ADAMTSL3: variants seen among roughly 807,000 people sequenced by gnomAD.
The protein encoded by ADAMTSL3 is ADAMTS like 3.
ADAMTSL3 carries 128 observed loss-of-function variants against 201.7 expected under a neutral mutation model. The ratio of observed to expected loss-of-function variants is 0.63; its 90% CI spans 0.55 to 0.73. ADAMTSL3 has a LOEUF of 0.73. ADAMTSL3 is among the 30% of genes least tolerant of loss of function. The probability of loss-of-function intolerance (pLI) is 0.00; values close to 1 mark genes in which losing one functional copy is unlikely to be tolerated. For synonymous variants in ADAMTSL3, 738 were observed against 748.4 expected (o/e 0.99, Z 0.23); for missense variants, 1,990 against 2,119.6 (o/e 0.94, Z 1.20).
chr15:83,781,796 C>T (rs1364227249), intron 4 of ADAMTSL3, among the ~76,000 whole-genome samples: 4 of 152,088 alleles, frequency 2.6e-5, no homozygotes, highest in African/African-American at 7.2e-5. Flanking sequence ...CAAGAGAAGA[C>T]GTGGCCAAAA....
chr15:83,817,389 T>C (rs1217251125), intron 5 of ADAMTSL3, among the ~76,000 whole-genome samples: 5 of 152,344 alleles, frequency 3.3e-5, no homozygotes, highest in Admixed American at 2.6e-4. Flanking sequence ...TAAACATGAC[T>C]GCTAATCTGT....
chr15:83,887,362 C>T (rs577800009), intron 10 of ADAMTSL3, among the ~76,000 whole-genome samples: 5 of 152,242 alleles, frequency 3.3e-5, no homozygotes, highest in African/African-American at 9.6e-5. Context: ...GTAGTACTAC[C>T]GTAAGTGGAA....
intron 7 of ADAMTSL3, among the ~76,000 whole-genome samples, chr15:83,857,099 C>T (rs1456578468): frequency 2.6e-5 from 4 of 152,000 alleles, no homozygotes; most frequent in African/African-American, 4.8e-5. Context: ...TTTTCATGTG[C>T]TTATTGGCCA....
At chr15:83,887,730 C>T (rs2065424289) in intron 10 of ADAMTSL3, among the ~76,000 whole-genome samples, 1 of 152,156 alleles carries the variant, frequency 6.6e-6, no homozygotes, top group African/African-American at 2.4e-5. Context: ...GCTGGAACTA[C>T]AGGCATGTGC....
chr15:83,873,404 T>C (rs1215416785), intron 9 of ADAMTSL3, among the ~76,000 whole-genome samples: 1 of 145,842 alleles, frequency 6.9e-6, no homozygotes, highest in East Asian at 2.3e-4. Flanking sequence ...TTCATTTTTA[T>C]ACCATTGGTT....
chr15:83,982,732 A>T lies in ADAMTSL3; in HGVS notation c.3104A>T (p.Gln1035Leu). ...GGAGTCACATGGCACAAAATGAGGC[A>T]AATGTGGAATAACAAAAATGACCTT... is the stretch of plus-strand genomic sequence containing the variant. The part of the protein sequence containing the change: ...SLGVTWHKMR[Q>L]MWNNKNDLYL... The change falls in exon 21 of 30, where the codon CAA (glutamine) becomes CTA (leucine). Residue 1035 changes from glutamine (Q) to leucine (L), a missense_variant. Coordinates refer to ENST00000286744, the MANE Select transcript of ADAMTSL3 (RefSeq NM_207517.3). 6.2e-7 allele frequency: 1 copy of T among 1,614,130 alleles called. No individual in the cohort carries two copies. The highest frequency in any genetic ancestry group is 1.1e-5 in the South Asian group (1 of 91,080).
chr15:83,953,289 T>G (rs544749344), intron 19 of ADAMTSL3, among the ~76,000 whole-genome samples: 5 of 152,322 alleles, frequency 3.3e-5, no homozygotes, highest in African/African-American at 9.6e-5. Context: ...TTTTTATTTT[T>G]TCTGTATCCA....
At chr15:83,733,385 G>T (rs2062314304) in intron 3 of ADAMTSL3, among the ~76,000 whole-genome samples, 2 of 152,144 alleles carry the variant, frequency 1.3e-5, no homozygotes, top group Admixed American at 1.3e-4. Context: ...GGGGGTGAGA[G>T]ACTTAGTCAT....
intron 3 of ADAMTSL3, among the ~76,000 whole-genome samples, chr15:83,704,887 A>G (rs913670218): frequency 1.3e-5 from 2 of 151,984 alleles, no homozygotes; most frequent in East Asian, 1.9e-4. Flanking sequence ...ACCAGCACCA[A>G]TGTTGCATGC....
Position 84,021,658 on chromosome 15 carries a change from G to T in ADAMTSL3, c.4457+65G>T, listed in dbSNP as rs1596546297. On this transcript the variant is annotated intron_variant, in intron 26 of 29. Coordinates refer to ENST00000286744, the MANE Select transcript of ADAMTSL3 (RefSeq NM_207517.3). ...TTTTGTTTGTTTTGAAAGGTGCAGT[G>T]ATTTGGACATAATAATTCAATAGCT... The T allele has an allele frequency of 1.2e-5, 18 of 1,549,610 alleles. No homozygotes were observed. The East Asian group carries it at 3.9e-4, about 33-fold the overall frequency.
chr15:83,842,149 G>A (rs1365207297), intron 7 of ADAMTSL3, among the ~76,000 whole-genome samples: 1 of 150,452 alleles, frequency 6.6e-6, no homozygotes, highest in Non-Finnish European at 1.5e-5. Context: ...TGGAAAAAAT[G>A]GATCACACAT....
intron 15 of ADAMTSL3, among the ~76,000 whole-genome samples, chr15:83,907,670 C>T (rs1280412125): frequency 1.3e-5 from 2 of 152,166 alleles, no homozygotes; most frequent in African/African-American, 2.4e-5. Flanking sequence ...TCCCAAAGTG[C>T]TGGGATTACA....
At chr15:83,963,131 T>G (rs1349868133) in intron 19 of ADAMTSL3, among the ~76,000 whole-genome samples, 2 of 152,190 alleles carry the variant, frequency 1.3e-5, no homozygotes, top group Admixed American at 1.3e-4. Flanking sequence ...GAGGTTTTTT[T>G]CATACCTCAG....
intron 6 of ADAMTSL3, among the ~76,000 whole-genome samples, chr15:83,826,583 C>T (rs2064027111): frequency 6.6e-6 from 1 of 151,938 alleles, no homozygotes; most frequent in South Asian, 2.1e-4. Flanking sequence ...CATATGTATA[C>T]ATGTGCCATG....
At chr15:83,708,148 G>T (rs2061879279) in intron 3 of ADAMTSL3, among the ~76,000 whole-genome samples, 1 of 152,152 alleles carries the variant, frequency 6.6e-6, no homozygotes, top group African/African-American at 2.4e-5. Flanking sequence ...TGTCACAGTG[G>T]CTTGAAGCCA....
chr15:83,997,239 A>G (rs1450762989), intron 23 of ADAMTSL3, among the ~76,000 whole-genome samples: 2 of 152,222 alleles, frequency 1.3e-5, no homozygotes, highest in Non-Finnish European at 2.9e-5. Flanking sequence ...AGACAAAAGA[A>G]GAAAAGTTTG....
chr15:83,942,050 G>T (rs1013361316), intron 17 of ADAMTSL3, among the ~76,000 whole-genome samples: 2 of 152,120 alleles, frequency 1.3e-5, no homozygotes, highest in East Asian at 1.9e-4. Context: ...GAAAGCAGCT[G>T]CCCTGGTTTT....
chr15:83,740,793 G>A (rs1696772919), intron 3 of ADAMTSL3, among the ~76,000 whole-genome samples: 1 of 152,042 alleles, frequency 6.6e-6, no homozygotes, highest in Admixed American at 6.5e-5. Flanking sequence ...AGATTCACAT[G>A]ATATAGAAAG....
At chr15:83,924,855 C>T (rs1270777833) in intron 17 of ADAMTSL3, among the ~76,000 whole-genome samples, 1 of 152,134 alleles carries the variant, frequency 6.6e-6, no homozygotes, top group Non-Finnish European at 1.5e-5. Context: ...AATGTTAAGC[C>T]CATTCCCAGT....
Sources: allele counts gnomAD v4.1 joint callset (sites outside exome capture counted in the v4.1 genomes callset), GRCh38; gene constraint gnomAD v4.1.1; transcripts MANE v1.5; gene names NCBI Gene and HGNC (gene_info 2026-07-23, HGNC 2026-07-21).